The following PRSS55 variants were observed in gnomAD, a reference collection of about 807,000 sequenced individuals.
PRSS55 encodes the protein probable serine protease UNQ9391/PRO34284.
A neutral mutation model predicts 23.6 loss-of-function variants in PRSS55; 41 were observed. That is an observed-to-expected ratio of 1.74 (90% CI 1.35 to 2.26). PRSS55 has a LOEUF of 2.26. Among genes scored for constraint, PRSS55 ranks in the 30% most tolerant of loss-of-function variants. The pLI, the probability that PRSS55 is intolerant of heterozygous loss-of-function variation, is 0.00. For missense variants in PRSS55, 669 were observed against 439.1 expected (o/e 1.52, Z -4.68); for synonymous variants, 262 against 175.5 (o/e 1.49, Z -3.90).
intron 4 of PRSS55, among the ~76,000 whole-genome samples, chr8:10,550,442 AT>A (rs1426283760): frequency 6.6e-6 from 1 of 152,114 alleles, no homozygotes; most frequent in East Asian, 1.9e-4. Flanking sequence ...GTGTAGCATC[AT>A]CTGGTGGCAG....
chr8:10,547,837 A>G (rs1812856062), intron 4 of PRSS55, among the ~76,000 whole-genome samples: 1 of 146,194 alleles, frequency 6.8e-6, no homozygotes. Flanking sequence ...TTGCTGTTCC[A>G]GTCACGGGGA....
At chr8:10,527,956 T>TA (rs1349529275) in intron 1 of PRSS55, among the ~76,000 whole-genome samples, 8 of 152,318 alleles carry the variant, frequency 5.3e-5, no homozygotes, top group Admixed American at 5.2e-4. Context: ...CTCACGCCTG[T>TA]AATCCCAGCA....
downstream of PRSS55, among the ~76,000 whole-genome samples, chr8:10,541,752 G>A (rs1812663118): frequency 6.6e-6 from 1 of 152,174 alleles, no homozygotes; most frequent in African/African-American, 2.4e-5. Flanking sequence ...TGGAAGCAAT[G>A]TTGCTGTTTC....
intron 2 of PRSS55, among the ~76,000 whole-genome samples, chr8:10,530,214 C>T (rs1209418983): frequency 1.3e-5 from 2 of 152,196 alleles, no homozygotes; most frequent in Admixed American, 6.5e-5. Flanking sequence ...TCACGCCTGT[C>T]ATCCCAGCAC....
At chr8:10,548,327 A>C (rs903366379) in intron 4 of PRSS55, among the ~76,000 whole-genome samples, 4 of 152,098 alleles carry the variant, frequency 2.6e-5, no homozygotes, top group Non-Finnish European at 5.9e-5. Context: ...TGGGGCAGCC[A>C]GGCAGGTGAC....
chr8:10,536,427 T>C (rs1243690807), intron 4 of PRSS55, among the ~76,000 whole-genome samples: 1 of 152,192 alleles, frequency 6.6e-6, no homozygotes, highest in Admixed American at 6.5e-5. Context: ...ATGTAAATTA[T>C]TAGTTCAGCC....
In PRSS55 at chr8:10,531,530, G is replaced by A. The variant is rs772288284; in HGVS notation, c.583G>A (p.Gly195Ser). Residue 195 changes from glycine to serine, a missense_variant, in exon 3 of 5, where the codon GGC (glycine) becomes AGC (serine). Physicochemically the swap from Gly to Ser is moderately conservative, Grantham distance 56 (BLOSUM62 0). Coordinates refer to ENST00000328655, the MANE Select transcript of PRSS55 (RefSeq NM_198464.4). ...TWRECWVAGW[G>S]QTNAADKNSV... ...GCGCGAATGCTGGGTGGCAGGTTGG[G>A]GCCAGACCAATGCTGGTATGTGACT... The A allele has an allele frequency of 5.0e-6, 8 of 1,613,662 alleles. No homozygotes were observed. Among genetic ancestry groups the A allele is most frequent in the South Asian group, 1.1e-5 (1 of 91,074 alleles).
intron 4 of PRSS55, among the ~76,000 whole-genome samples, chr8:10,550,700 C>T (rs1228073417): frequency 1.3e-5 from 2 of 152,260 alleles, no homozygotes; most frequent in South Asian, 2.1e-4. Flanking sequence ...TGTTACCCTG[C>T]GATGTGTTAC....
chr8:10,525,725 C>A lies in PRSS55; in HGVS notation c.140C>A (p.Pro47His). 6.2e-7 allele frequency: 1 copy of A among 1,607,942 alleles called. No individual in the cohort carries two copies. Among genetic ancestry groups the A allele is most frequent in the East Asian group, 2.2e-5 (1 of 44,548 alleles). Reference sequence around the variant, plus strand: ...CACCGCCCTCAGCCCCCTCATCCCCCCAGCCCAGTCAGTGGTGAGTACAGG... The same window carrying A: ...CACCGCCCTCAGCCCCCTCATCCCCACAGCCCAGTCAGTGGTGAGTACAGG... ...GAHRPQPPHP[P>H]SPVSECGDRS... Residue 47 changes from proline (P) to histidine (H), a missense_variant, in exon 1 of 5, where the codon CCC becomes CAC. By Grantham distance (77) the Pro-to-His change is moderately conservative. Coordinates refer to ENST00000328655, the MANE Select transcript of PRSS55 (RefSeq NM_198464.4).
At position 10,531,311 on chromosome 8, in the gene PRSS55, G is replaced by T; in HGVS notation, c.364G>T (p.Val122Phe). The change falls in exon 3 of 5, where the codon GTC becomes TTC. Residue 122 changes from valine (V) to phenylalanine (F), a missense_variant. Transcript: ENST00000328655. ...TGCCACCAGTCCAGAAGAACTGAGT[G>T]TCGTGCTGGGGACCAACGACTTAAC... ...SEELFPEELS[V>F]VLGTNDLTSP... is the part of the protein sequence containing the mutation. 1 of 1,614,098 alleles carries T rather than the reference G, an allele frequency of 6.2e-7. No individual in the cohort carries two copies. The highest frequency in any genetic ancestry group is 8.5e-7 in the Non-Finnish European group (1 of 1,180,024).
intron 4 of PRSS55, among the ~76,000 whole-genome samples, chr8:10,544,131 A>G (rs1812748936): frequency 7.1e-6 from 1 of 140,480 alleles, no homozygotes; most frequent in Non-Finnish European, 1.6e-5. Flanking sequence ...TTAAGTCTCC[A>G]ACTTCTGTTA....
At chr8:10,544,809 C>CT (rs1013456211) in intron 4 of PRSS55, among the ~76,000 whole-genome samples, 18 of 151,968 alleles carry the variant, frequency 1.2e-4, no homozygotes, top group Non-Finnish European at 1.5e-4. Flanking sequence ...TCCTCCTCCT[C>CT]TTTTTTTTGC....
intron 1 of PRSS55, among the ~76,000 whole-genome samples, chr8:10,526,293 G>C (rs551457408): frequency 6.6e-6 from 1 of 152,212 alleles, no homozygotes; most frequent in African/African-American, 2.4e-5. Context: ...CTCAGACAAC[G>C]TGTGGATGAG....
At chr8:10,529,727 C>A (rs1188630421) in intron 2 of PRSS55, 28 bp downstream of exon 2, 4 of 1,594,694 alleles carry the variant, frequency 2.5e-6, no homozygotes, top group Admixed American at 3.4e-5. Flanking sequence ...CCCACTGCCA[C>A]CTCTCAGGGC....
intron 4 of PRSS55, among the ~76,000 whole-genome samples, chr8:10,537,486 A>G (rs1432558202): frequency 6.6e-6 from 1 of 152,192 alleles, no homozygotes; most frequent in African/African-American, 2.4e-5. Context: ...GACTCCAGTT[A>G]AGGAGCACGA....
chr8:10,532,014 T>C (rs1480448993), intron 3 of PRSS55, among the ~76,000 whole-genome samples: 1 of 152,076 alleles, frequency 6.6e-6, no homozygotes, highest in East Asian at 1.9e-4. Context: ...GAAGAAAGTC[T>C]ACTGGGACAG....
At chr8:10,532,045 G>A (rs763582974) in intron 3 of PRSS55, among the ~76,000 whole-genome samples, 1 of 152,118 alleles carries the variant, frequency 6.6e-6, no homozygotes, top group African/African-American at 2.4e-5. Context: ...CGAAGGGCCC[G>A]CTGGACTGTC....
chr8:10,531,521 G>C lies in PRSS55; in HGVS notation c.574G>C (p.Ala192Pro). ...TGCCACATGGCGCGAATGCTGGGTG[G>C]CAGGTTGGGGCCAGACCAATGCTGG... ...GPATWRECWV[A>P]GWGQTNAADK... Residue 192 changes from alanine (A) to proline (P), a missense_variant, in exon 3 of 5, where the codon GCA (alanine) becomes CCA (proline). Ala to Pro is a conservative substitution (Grantham distance 27). Coordinates refer to ENST00000328655, the MANE Select transcript of PRSS55 (RefSeq NM_198464.4). The C allele has an allele frequency of 6.2e-7, 1 of 1,613,716 alleles. No individual in the cohort carries two copies. The highest frequency in any genetic ancestry group is 8.5e-7 in the Non-Finnish European group (1 of 1,180,044).
At chr8:10,553,362 G>A (rs1320835562) in intron 4 of PRSS55, among the ~76,000 whole-genome samples, 1 of 152,140 alleles carries the variant, frequency 6.6e-6, no homozygotes, top group Non-Finnish European at 1.5e-5. Context: ...TTATGGCAGT[G>A]TGAGAATGGA....
Sources: gnomAD v4.1 joint callset for allele counts (sites outside exome capture counted in the v4.1 genomes callset) on GRCh38, gnomAD v4.1.1 for gene constraint, MANE v1.5 for transcripts, NCBI Gene and HGNC (gene_info 2026-07-23, HGNC 2026-07-21) for gene names.